STK33: variants seen among roughly 807,000 people sequenced by gnomAD.
The protein encoded by STK33 is serine/threonine kinase 33, also known as serine/threonine-protein kinase 33.
A neutral mutation model predicts 58.0 loss-of-function variants in STK33; 52 were observed. The ratio of observed to expected loss-of-function variants is 0.90; its 90% CI spans 0.72 to 1.13. STK33 has a LOEUF of 1.13. STK33 is among the 50% of genes most tolerant of loss of function. The probability of loss-of-function intolerance (pLI) is 0.00; values close to 1 mark genes in which losing one functional copy is unlikely to be tolerated. For missense variants in STK33, 630 were observed against 604.2 expected (o/e 1.04, Z -0.45); for synonymous variants, 215 against 200.1 (o/e 1.07, Z -0.63).
At position 8,574,884 on chromosome 11, in the gene STK33, G is replaced by GA. The variant is rs1194449894; in HGVS notation, c.-466+19198dup. Among the ~76,000 whole-genome samples, 1,086 of 142,710 alleles carry GA rather than the reference G, an allele frequency of 7.6e-3. 8 individuals carry two copies. Among genetic ancestry groups the GA allele is most frequent in the African/African-American group, 0.015 (585 of 39,100 alleles). 93.6% of individuals were successfully genotyped at this position (142,710 alleles called of 152,430 possible). ...TGAGGCCCCATCTCTACAAAAAAAG[G>GA]AAAAAAAAAAAATAGCCAAGTCTGG... On this transcript the variant is annotated intron_variant, in intron 1 of 15. Coordinates refer to ENST00000687296, the MANE Select transcript of STK33 (RefSeq NM_001352389.2).
chr11:8,398,876 T>C (rs1317392017), intron 15 of STK33, among the ~76,000 whole-genome samples: 1 of 151,820 alleles, frequency 6.6e-6, no homozygotes, highest in Non-Finnish European at 1.5e-5. Context: ...AAGAAGGCCA[T>C]TACTTAATGG....
At chr11:8,439,666 T>G (rs183566551) in intron 12 of STK33, among the ~76,000 whole-genome samples, 2 of 151,446 alleles carry the variant, frequency 1.3e-5, no homozygotes, top group East Asian at 3.9e-4. Context: ...GTCCGAGTAT[T>G]GAAATGTGAC....
chr11:8,336,207 C>G, the STK33 span, among the ~76,000 whole-genome samples: 1 of 152,232 alleles, frequency 6.6e-6, no homozygotes, highest in Non-Finnish European at 1.5e-5. Context: ...CCACCTGGCC[C>G]GGGCCTCTTG....
At chr11:8,574,214 A>T (rs888557883) in intron 1 of STK33, among the ~76,000 whole-genome samples, 1 of 152,236 alleles carries the variant, frequency 6.6e-6, no homozygotes, top group African/African-American at 2.4e-5. Context: ...ATGAGTAAAT[A>T]TACAACTGTA....
intron 1 of STK33, among the ~76,000 whole-genome samples, chr11:8,550,041 A>C (rs1382288573): frequency 1.3e-5 from 2 of 152,252 alleles, no homozygotes; most frequent in African/African-American, 4.8e-5. Flanking sequence ...CCATAATTAC[A>C]AATCTCACTC....
chr11:8,443,999 C>A (rs1385550556), intron 11 of STK33, among the ~76,000 whole-genome samples: 1 of 151,716 alleles, frequency 6.6e-6, no homozygotes. Context: ...AGAGGGAGGC[C>A]CTGTTCCAAA....
intron 15 of STK33, among the ~76,000 whole-genome samples, chr11:8,397,112 T>G (rs192132931): frequency 1.0e-3 from 153 of 152,036 alleles, no homozygotes; most frequent in African/African-American, 3.6e-3. Context: ...TTGAAAAGAG[T>G]AGTAGTTCTC....
the STK33 span, among the ~76,000 whole-genome samples, chr11:8,362,729 C>A: frequency 2.0e-5 from 3 of 152,294 alleles, no homozygotes; most frequent in South Asian, 6.2e-4. Flanking sequence ...CTGAGCAGCT[C>A]CTGCCCTGCA....
At chr11:8,366,538 T>C in the STK33 span, among the ~76,000 whole-genome samples, 36 of 152,308 alleles carry the variant, frequency 2.4e-4, no homozygotes, top group African/African-American at 8.2e-4. Context: ...CCCCAGCCTC[T>C]AGCAGGCCAA....
At chr11:8,337,415 A>C in the STK33 span, among the ~76,000 whole-genome samples, 6 of 152,258 alleles carry the variant, frequency 3.9e-5, no homozygotes, top group African/African-American at 1.2e-4. Context: ...TGTGGGGCTG[A>C]GGAAGGATGC....
chr11:8,449,385 A>G (rs866134659), intron 11 of STK33, among the ~76,000 whole-genome samples: 3 of 151,804 alleles, frequency 2.0e-5, no homozygotes, highest in African/African-American at 2.4e-5. Context: ...AACCAACCCA[A>G]ATGTCCAACA....
chr11:8,343,722 A>C, the STK33 span, among the ~76,000 whole-genome samples: 28 of 147,214 alleles, frequency 1.9e-4, no homozygotes, highest in Admixed American at 7.4e-4. Flanking sequence ...TCCAATCTCC[A>C]CTCCTCTCCA....
At chr11:8,418,872 T>C (rs1941506954) in intron 14 of STK33, among the ~76,000 whole-genome samples, 1 of 152,180 alleles carries the variant, frequency 6.6e-6, no homozygotes, top group African/African-American at 2.4e-5. Flanking sequence ...CGTATGCTTG[T>C]TGGCTGCATA....
intron 1 of STK33, among the ~76,000 whole-genome samples, chr11:8,585,344 C>T (rs2031349471): frequency 6.7e-6 from 1 of 150,274 alleles, no homozygotes; most frequent in Admixed American, 6.7e-5. Flanking sequence ...CCTGCCTCAA[C>T]CTCCTGAGTA....
intron 14 of STK33, among the ~76,000 whole-genome samples, chr11:8,419,003 T>C (rs1374948137): frequency 6.6e-6 from 1 of 152,206 alleles, no homozygotes; most frequent in East Asian, 1.9e-4. Flanking sequence ...CTTTGTTAGA[T>C]GCATAGTTTG....
At chr11:8,337,324 CA>C in the STK33 span, among the ~76,000 whole-genome samples, 1 of 152,208 alleles carries the variant, frequency 6.6e-6, no homozygotes, top group Non-Finnish European at 1.5e-5. Flanking sequence ...CATAAATGGA[CA>C]CATCTTATTG....
At chr11:8,568,187 A>G (rs544107300) in intron 1 of STK33, among the ~76,000 whole-genome samples, 24 of 152,306 alleles carry the variant, frequency 1.6e-4, no homozygotes, top group African/African-American at 5.5e-4. Context: ...AGTTCCTTCC[A>G]TCACAGTCCT....
intron 1 of STK33, among the ~76,000 whole-genome samples, chr11:8,555,997 G>A (rs1179907486): frequency 6.6e-6 from 1 of 152,188 alleles, no homozygotes; most frequent in Non-Finnish European, 1.5e-5. Flanking sequence ...AAATGGGCCT[G>A]GATTTGGGCA....
chr11:8,373,768 G>A, the STK33 span, among the ~76,000 whole-genome samples: 1 of 152,148 alleles, frequency 6.6e-6, no homozygotes, highest in South Asian at 2.1e-4. Context: ...GGAAGAACAC[G>A]GCTGAGTGTG....
Sources: gnomAD v4.1 joint callset for allele counts (sites outside exome capture counted in the v4.1 genomes callset) on GRCh38, gnomAD v4.1.1 for gene constraint, MANE v1.5 for transcripts, NCBI Gene and HGNC (gene_info 2026-07-23, HGNC 2026-07-21) for gene names.